The following ZBTB16 variants were observed in gnomAD, a reference collection of about 807,000 sequenced individuals.
The protein encoded by ZBTB16 is zinc finger and BTB domain containing 16, also known as zinc finger and BTB domain-containing protein 16.
Under a neutral mutation model 56.8 loss-of-function variants are expected in ZBTB16, and 8 were observed. That is an observed-to-expected ratio of 0.14 (90% CI 0.08 to 0.25). The LOEUF is 0.25. Ranked by LOEUF, ZBTB16 falls within the 10% of genes least tolerant of loss-of-function variation. ZBTB16 has a pLI of 1.00. For missense variants in ZBTB16, 625 were observed against 903.0 expected (o/e 0.69, Z 3.95); for synonymous variants, 363 against 368.5 (o/e 0.98, Z 0.17).
Position 114,119,478 on chromosome 11 carries a change from A to T in ZBTB16, c.1269-36859A>T, listed in dbSNP as rs554707508. ...TTTCCCACCAGGAGCTCTCTAATGC[A>T]GTGTCGACTGCTATTCTCAATGAGG... On this transcript the variant is annotated intron_variant, in intron 2 of 6. Transcript: ENST00000335953. Among the ~76,000 whole-genome samples the T allele has an allele frequency of 2.0e-5, 3 of 152,070 alleles. No homozygotes were observed. In the East Asian group the frequency reaches 5.8e-4, roughly 30 times the overall value.
Position 114,077,756 on chromosome 11 carries a change from A to C in ZBTB16, c.1268+13188A>C, listed in dbSNP as rs573218085. Reference sequence around the variant, plus strand: ...AGGGAGGGGAAATCCCACCCAAGAGAACCTTCTCCAGGTTCCTGTGGGTTT... The same window carrying C: ...AGGGAGGGGAAATCCCACCCAAGAGCACCTTCTCCAGGTTCCTGTGGGTTT... On this transcript the variant is annotated intron_variant, in intron 2 of 6. Coordinates refer to ENST00000335953, the MANE Select transcript of ZBTB16 (RefSeq NM_006006.6). 7.9e-5 allele frequency among the ~76,000 whole-genome samples: 12 copies of C among 152,282 alleles called. No homozygotes were observed. The South Asian group carries it at 2.3e-3, about 29-fold the overall frequency.
intron 3 of ZBTB16, among the ~76,000 whole-genome samples, chr11:114,157,190 G>T (rs1942438602): frequency 6.6e-6 from 1 of 152,150 alleles, no homozygotes; most frequent in South Asian, 2.1e-4. Context: ...TTCTCCTCAT[G>T]TAGGCCAAGG....
Position 114,213,311 on chromosome 11 carries a change from C to T in ZBTB16, c.1453+26273C>T, listed in dbSNP as rs940999514. Among the ~76,000 whole-genome samples, 9 of 152,198 alleles carry T rather than the reference C, an allele frequency of 5.9e-5. No homozygotes were observed. The East Asian group carries it at 1.3e-3, about 23-fold the overall frequency. On this transcript the variant is annotated intron_variant, in intron 4 of 6. Coordinates refer to ENST00000335953, the MANE Select transcript of ZBTB16 (RefSeq NM_006006.6). Reference sequence around the variant, plus strand: ...TATTTGTAGGACTCGCATAAATTCACGTGTCCTGTATCCTGTTGTTTGTCT... The same window carrying T: ...TATTTGTAGGACTCGCATAAATTCATGTGTCCTGTATCCTGTTGTTTGTCT...
chr11:114,242,186 C>A lies in ZBTB16; in HGVS notation c.1473C>A (p.Phe491Leu). ...QTHTGTDMAV[F>L]CLLCGKRFQA... is the part of the protein sequence containing the mutation. ...CCACAGGCACTGACATGGCCGTCTT[C>A]TGTCTGCTGTGTGGGAAGCGCTTCC... The change falls in exon 5 of 7, where the codon TTC becomes TTA. Residue 491 changes from phenylalanine to leucine, a missense_variant. Coordinates refer to ENST00000335953, the MANE Select transcript of ZBTB16 (RefSeq NM_006006.6). 6.2e-7 allele frequency: 1 copy of A among 1,613,782 alleles called. No individual in the cohort carries two copies. The highest frequency in any genetic ancestry group is 8.5e-7 in the Non-Finnish European group (1 of 1,179,904).
chr11:114,085,287 T>C (rs1255771812), intron 2 of ZBTB16, among the ~76,000 whole-genome samples: 1 of 152,234 alleles, frequency 6.6e-6, no homozygotes, highest in African/African-American at 2.4e-5. Flanking sequence ...TTAAGAACGT[T>C]AATGAAGACC....
intron 5 of ZBTB16, 152 bp from the exon 6 acceptor site, chr11:114,247,046 T>A: frequency 1.1e-6 from 1 of 887,086 alleles, no homozygotes; most frequent in South Asian, 1.5e-5. Context: ...GCTTGTTTAT[T>A]CAATGGAGGT....
intron 2 of ZBTB16, among the ~76,000 whole-genome samples, chr11:114,125,580 C>G (rs564587868): frequency 7.3e-5 from 11 of 151,292 alleles, no homozygotes; most frequent in African/African-American, 2.2e-4. Context: ...TTTCATCGAG[C>G]CTGCAGAAGG....
chr11:114,103,093 T>C (rs1940671626), intron 2 of ZBTB16, among the ~76,000 whole-genome samples: 1 of 152,234 alleles, frequency 6.6e-6, no homozygotes, highest in African/African-American at 2.4e-5. Flanking sequence ...TTCATTGCAT[T>C]GATAATTGTT....
chr11:114,075,166 G>A (rs1939502309), intron 2 of ZBTB16, among the ~76,000 whole-genome samples: 2 of 152,168 alleles, frequency 1.3e-5, no homozygotes, highest in African/African-American at 2.4e-5. Flanking sequence ...ATTGTTGGCT[G>A]CAAAGTGGTA....
At chr11:114,084,884 G>C (rs542928809) in intron 2 of ZBTB16, among the ~76,000 whole-genome samples, 77 of 152,328 alleles carry the variant, frequency 5.1e-4, no homozygotes, top group Admixed American at 1.4e-3. Flanking sequence ...AGCTAGCTCA[G>C]ATCTGCCCAC....
In ZBTB16 at chr11:114,250,276, C is replaced by G. The variant is rs752943438; in HGVS notation, c.1793-50C>G. On this transcript the variant is annotated intron_variant, in intron 6 of 6. Transcript: ENST00000335953. The surrounding 1 kb of genome is among the most constrained non-coding windows in gnomAD (Gnocchi z 6.0). ...GCCTGAGGGTGACATGGTGCCCTCA[C>G]CGCCTTCTGTCTGTCCTCACTTTCT... 1.9e-6 allele frequency: 3 copies of G among 1,592,484 alleles called. No individual in the cohort carries two copies. The South Asian group carries it at 3.3e-5, about 18-fold the overall frequency.
At position 114,252,077 on chromosome 11, in the gene ZBTB16, C is replaced by T. The variant is rs1023599760; in HGVS notation, c.*1522C>T. Among the ~76,000 whole-genome samples the T allele has an allele frequency of 2.6e-5, 4 of 152,086 alleles. No homozygotes were observed. Among genetic ancestry groups the T allele is most frequent in the Admixed American group, 2.0e-4 (3 of 15,264 alleles). Reference sequence around the variant, plus strand: ...GAACTGTGCAGGAGGAGTTGATACTCAGGATCTGAATGTGAGGGCCGAGGA... The same window carrying T: ...GAACTGTGCAGGAGGAGTTGATACTTAGGATCTGAATGTGAGGGCCGAGGA... On this transcript the variant is annotated 3_prime_UTR_variant, in exon 7 of 7. Coordinates refer to ENST00000335953, the MANE Select transcript of ZBTB16 (RefSeq NM_006006.6).
At chr11:114,193,540 C>T (rs1468410460) in intron 4 of ZBTB16, among the ~76,000 whole-genome samples, 2 of 152,174 alleles carry the variant, frequency 1.3e-5, no homozygotes, top group African/African-American at 4.8e-5. Flanking sequence ...TCACTCACAG[C>T]GCTACTTCCT....
chr11:114,232,674 C>T (rs1412554971), intron 4 of ZBTB16, among the ~76,000 whole-genome samples: 2 of 152,218 alleles, frequency 1.3e-5, no homozygotes, highest in Non-Finnish European at 2.9e-5. Context: ...TGCAAGCTGC[C>T]CTTCTCCTCT....
rs867797506 is a variant in ZBTB16, at chr11:114,235,697, T to A, written c.1454-6470T>A. 3.0e-4 allele frequency among the ~76,000 whole-genome samples: 40 copies of A among 132,352 alleles called. 2 individuals are homozygous for A. Among genetic ancestry groups the A allele is most frequent in the African/African-American group, 3.5e-4 (12 of 33,980 alleles). 86.8% of individuals were successfully genotyped at this position (132,352 alleles called of 152,430 possible). A position where few individuals can be genotyped will look rare whatever the true frequency, so the allele number is the denominator to read the frequency against. Reference sequence around the variant, plus strand: ...TTCTTTCTTTCTTTCTTTCTTTTCTTTCTTTCTTTTCTTTCTTTCTTTTTC... The same window carrying A: ...TTCTTTCTTTCTTTCTTTCTTTTCTATCTTTCTTTTCTTTCTTTCTTTTTC... On this transcript the variant is annotated intron_variant, in intron 4 of 6. Coordinates refer to ENST00000335953, the MANE Select transcript of ZBTB16 (RefSeq NM_006006.6).
intron 4 of ZBTB16, among the ~76,000 whole-genome samples, chr11:114,233,382 T>A (rs1433112883): frequency 6.6e-6 from 1 of 152,008 alleles, no homozygotes; most frequent in Non-Finnish European, 1.5e-5. Flanking sequence ...GGGAGGAGGA[T>A]GTTGCTGTCG....
intron 3 of ZBTB16, among the ~76,000 whole-genome samples, chr11:114,163,984 T>G (rs1942670743): frequency 6.6e-6 from 1 of 152,224 alleles, no homozygotes; most frequent in African/African-American, 2.4e-5. Flanking sequence ...AGTAGCAGTC[T>G]CCCTGTACTG....
intron 2 of ZBTB16, among the ~76,000 whole-genome samples, chr11:114,133,179 C>T (rs567816539): frequency 5.5e-4 from 84 of 152,136 alleles, no homozygotes; most frequent in Admixed American, 1.3e-3. Flanking sequence ...TGTCCTGCCT[C>T]GCTGAGGTGT....
At chr11:114,114,203 G>A (rs11605971) in intron 2 of ZBTB16, among the ~76,000 whole-genome samples, 1 of 152,290 alleles carries the variant, frequency 6.6e-6, no homozygotes. Flanking sequence ...CGTCCATGTC[G>A]GCCACAATGT....
Sources: gnomAD v4.1 joint callset for allele counts (sites outside exome capture counted in the v4.1 genomes callset) on GRCh38, gnomAD v4.1.1 for gene constraint, Gnocchi (gnomAD v3.1) non-coding constraint, MANE v1.5 for transcripts, NCBI Gene and HGNC (gene_info 2026-07-23, HGNC 2026-07-21) for gene names.